The following PICALM variants were observed in gnomAD, a reference collection of about 807,000 sequenced individuals.
The protein encoded by PICALM is phosphatidylinositol-binding clathrin assembly protein.
PICALM carries 40 observed loss-of-function variants against 80.5 expected under a neutral mutation model. The observed-to-expected ratio is 0.50, with a 90% CI of 0.39 to 0.65. PICALM has a LOEUF of 0.65. Ranked by LOEUF, PICALM falls within the 30% of genes least tolerant of loss-of-function variation. PICALM has a pLI of 0.00. For synonymous variants in PICALM, 288 were observed against 260.3 expected, an observed-to-expected ratio of 1.11 and a Z score of -1.02; for missense variants, 676 against 778.9, an observed-to-expected ratio of 0.87 and a Z score of 1.57.
chr11:86,025,168 G>A (rs1197200747), intron 3 of PICALM, among the ~76,000 whole-genome samples: 5 of 152,142 alleles, frequency 3.3e-5, no homozygotes, highest in Admixed American at 6.5e-5. Flanking sequence ...TTGGGAGGCC[G>A]AGGCAAGCAG....
At chr11:86,027,290 G>T (rs115040967) in intron 2 of PICALM, among the ~76,000 whole-genome samples, 750 of 152,216 alleles carry the variant, frequency 4.9e-3, no homozygotes, top group Non-Finnish European at 5.5e-3. Flanking sequence ...ATATGTAAAA[G>T]CTCATCTTCT....
chr11:86,065,302 T>C (rs2137832697), intron 1 of PICALM, among the ~76,000 whole-genome samples: 1 of 152,092 alleles, frequency 6.6e-6, no homozygotes, highest in Admixed American at 6.5e-5. Flanking sequence ...AAAAATTAGC[T>C]GGGTGTGGTG....
At chr11:85,988,658 TGAGGAAGAA>T (rs144708706) in intron 13 of PICALM, among the ~76,000 whole-genome samples, 1,928 of 149,946 alleles carry the variant, frequency 0.013, 45 homozygotes, top group African/African-American at 0.045. Flanking sequence ...GGGAGGCACG[TGAGGAAGAA>T]GAGGAAGAAG....
intron 2 of PICALM, among the ~76,000 whole-genome samples, chr11:86,029,119 G>A (rs2095704708): frequency 6.6e-6 from 1 of 152,110 alleles, no homozygotes; most frequent in African/African-American, 2.4e-5. Context: ...GATTACAGGT[G>A]TGAGCTACCT....
intron 19 of PICALM, among the ~76,000 whole-genome samples, chr11:85,962,475 G>A (rs1326390933): frequency 1.3e-5 from 2 of 152,132 alleles, no homozygotes; most frequent in Non-Finnish European, 2.9e-5. Context: ...TTTCACCAGG[G>A]TAGCAGTCTG....
At chr11:85,997,495 G>C (rs985111656) in intron 11 of PICALM, among the ~76,000 whole-genome samples, 1 of 152,094 alleles carries the variant, frequency 6.6e-6, no homozygotes, top group Non-Finnish European at 1.5e-5. Flanking sequence ...TTTTGAGACA[G>C]AGTCTCGCTC....
chr11:86,037,498 T>G (rs1247849398), intron 1 of PICALM, among the ~76,000 whole-genome samples: 1 of 151,384 alleles, frequency 6.6e-6, no homozygotes, highest in African/African-American at 2.4e-5. Context: ...GACCTTGTGA[T>G]CCACCTGCCT....
At chr11:85,981,351 A>T in intron 16 of PICALM, 123 bp from the exon 17 acceptor site, 1 of 624,618 alleles carries the variant, frequency 1.6e-6, no homozygotes. Context: ...CATGCCTGTA[A>T]TCCCAGCACT....
At chr11:86,027,289 A>G (rs1009293833) in intron 2 of PICALM, among the ~76,000 whole-genome samples, 12 of 152,194 alleles carry the variant, frequency 7.9e-5, no homozygotes, top group Non-Finnish European at 1.8e-4. Flanking sequence ...CATATGTAAA[A>G]GCTCATCTTC....
chr11:86,040,295 A>T (rs1008432888), intron 1 of PICALM, among the ~76,000 whole-genome samples: 2 of 152,174 alleles, frequency 1.3e-5, no homozygotes, highest in African/African-American at 4.8e-5. Context: ...TGAGGTATGT[A>T]TGAGTGGCGA....
At chr11:86,014,040 ATC>A (rs1192503450) in intron 5 of PICALM, among the ~76,000 whole-genome samples, 1 of 152,218 alleles carries the variant, frequency 6.6e-6, no homozygotes, top group Non-Finnish European at 1.5e-5. Flanking sequence ...TAGTTGGATA[ATC>A]TCTGTTTTAG....
At chr11:85,998,684 A>G (rs1279064463) in intron 11 of PICALM, among the ~76,000 whole-genome samples, 2 of 152,166 alleles carry the variant, frequency 1.3e-5, no homozygotes, top group African/African-American at 2.4e-5. Flanking sequence ...AAGCTAAGGC[A>G]GAGGGAATGC....
chr11:86,042,646 A>C (rs2137084700), intron 1 of PICALM, among the ~76,000 whole-genome samples: 1 of 123,692 alleles, frequency 8.1e-6, no homozygotes, highest in Non-Finnish European at 1.7e-5. Context: ...CCAGTTAAAT[A>C]TCATCAGGAC....
chr11:85,987,738 T>G (rs1300120345), intron 13 of PICALM, among the ~76,000 whole-genome samples: 1 of 152,218 alleles, frequency 6.6e-6, no homozygotes, highest in African/African-American at 2.4e-5. Flanking sequence ...CCTAATTAGC[T>G]GGAATTATGG....
chr11:86,003,365 C>A lies in PICALM; in HGVS notation c.893+1G>T. On this transcript the variant is annotated splice_donor_variant, in intron 9 of 19. Transcript: ENST00000393346. LOFTEE classifies it high-confidence loss of function. The stretch of plus-strand genomic sequence containing the variant: ...TTTTTGGCCTACAAAGAATGATATA[C>A]CTGCTTGCAGCTGTAGAATCTTTGA... 1 of 1,574,806 alleles carries A rather than the reference C, an allele frequency of 6.3e-7. No individual in the cohort carries two copies.
In PICALM at chr11:86,067,457, G is replaced by A. The variant is rs1056087669; in HGVS notation, c.130+1194C>T. 3.3e-5 allele frequency among the ~76,000 whole-genome samples: 5 copies of A among 152,190 alleles called. No homozygotes were observed. In the East Asian group the frequency reaches 9.6e-4, roughly 29 times the overall value. On this transcript the variant is annotated intron_variant, in intron 1 of 19. Transcript: ENST00000393346. Reference sequence around the variant, plus strand: ...GCTTTGTACCCTGGGGTAAAAGAGCGCAAAGAAAAAGGAGGGTATTACAGG... The same window carrying A: ...GCTTTGTACCCTGGGGTAAAAGAGCACAAAGAAAAAGGAGGGTATTACAGG...
chr11:86,040,904 T>C (rs1013184219), intron 1 of PICALM, among the ~76,000 whole-genome samples: 1 of 152,150 alleles, frequency 6.6e-6, no homozygotes, highest in Non-Finnish European at 1.5e-5. Context: ...TCTCCCCTAC[T>C]AAACTGAGGT....
chr11:85,988,055 C>T (rs1052824573), intron 13 of PICALM, among the ~76,000 whole-genome samples: 3 of 152,146 alleles, frequency 2.0e-5, no homozygotes, highest in African/African-American at 7.2e-5. Flanking sequence ...TAATCAAGAG[C>T]CTCAATTCTT....
At chr11:85,961,385 T>C (rs759952451) in intron 19 of PICALM, among the ~76,000 whole-genome samples, 5 of 152,234 alleles carry the variant, frequency 3.3e-5, no homozygotes. Flanking sequence ...CTACTGTAAC[T>C]GTCCACATAC....
Sources: allele counts gnomAD v4.1 joint callset (sites outside exome capture counted in the v4.1 genomes callset), GRCh38; gene constraint gnomAD v4.1.1; transcripts MANE v1.5; gene names NCBI Gene and HGNC (gene_info 2026-07-23, HGNC 2026-07-21).